The following NKD2 variants were observed in gnomAD, a reference collection of about 807,000 sequenced individuals.
The protein encoded by NKD2 is NKD inhibitor of Wnt signaling pathway 2, also known as protein naked cuticle homolog 2.
NKD2 carries 43 observed loss-of-function variants against 34.8 expected under a neutral mutation model. That is an observed-to-expected ratio of 1.24 (90% confidence interval 0.97 to 1.60). The LOEUF (loss-of-function observed/expected upper bound fraction) is 1.60. NKD2 is among the 40% of genes most tolerant of loss of function. The pLI, the probability that NKD2 is intolerant of heterozygous loss-of-function variation, is 0.00. For missense variants in NKD2, 675 were observed against 627.1 expected (o/e 1.08, Z -0.82); for synonymous variants, 278 against 265.1 (o/e 1.05, Z -0.47).
chr5:1,012,180 G>A (rs1004097358), intron 3 of NKD2, among the ~76,000 whole-genome samples: 3 of 152,254 alleles, frequency 2.0e-5, no homozygotes, highest in Admixed American at 6.5e-5. Flanking sequence ...TGAGGCTGGC[G>A]GAAAATGGTT....
chr5:1,018,139 C>T (rs973052716), intron 3 of NKD2, among the ~76,000 whole-genome samples: 3 of 152,134 alleles, frequency 2.0e-5, no homozygotes, highest in Non-Finnish European at 2.9e-5. Context: ...AGAAGAATGG[C>T]GGCCCCCACC....
In NKD2 at chr5:1,037,888, A is replaced by G. The variant is rs1734074574; in HGVS notation, c.871A>G (p.Thr291Ala). The change falls in exon 10 of 10, where the codon ACA becomes GCA. Residue 291 changes from threonine (T) to alanine (A), a missense_variant. Physicochemically the swap from Thr to Ala is moderately conservative, Grantham distance 58. Coordinates refer to ENST00000296849, the MANE Select transcript of NKD2 (RefSeq NM_033120.4). ...CCGGTCCCGCTCCCAGGAGCCAGATACACATGCCGTACACCACCGCAGGTC... is the reference window on the plus strand; with the variant it reads ...CCGGTCCCGCTCCCAGGAGCCAGATGCACATGCCGTACACCACCGCAGGTC... ...QARSRSQEPD[T>A]HAVHHRRSQV... 1 of 1,605,644 alleles carries G rather than the reference A, an allele frequency of 6.2e-7. No homozygotes were observed. Among genetic ancestry groups the G allele is most frequent in the Admixed American group, 1.7e-5 (1 of 59,894 alleles).
chr5:1,013,165 TC>T (rs1180003018), intron 3 of NKD2, among the ~76,000 whole-genome samples: 1 of 152,156 alleles, frequency 6.6e-6, no homozygotes, highest in Non-Finnish European at 1.5e-5. Flanking sequence ...AATGGCAGCT[TC>T]CAAAGGGAGC....
chr5:1,035,224 G>A (rs933671342), intron 7 of NKD2, among the ~76,000 whole-genome samples, 165 bp from the exon 8 acceptor site: 5 of 151,398 alleles, frequency 3.3e-5, no homozygotes, highest in East Asian at 1.9e-4. Flanking sequence ...ATGAGTGAAC[G>A]AGTGAGTTAA....
intron 3 of NKD2, among the ~76,000 whole-genome samples, chr5:1,014,790 C>G (rs1755882561): frequency 6.6e-6 from 1 of 152,250 alleles, no homozygotes; most frequent in Non-Finnish European, 1.5e-5. Context: ...CCCACTTGGT[C>G]AGCCCCGACA....
chr5:1,038,269 C>A lies in NKD2; in HGVS notation c.1252C>A (p.Pro418Thr). ...HEVVRDLPPT[P>T]AGEGYAVPVI... ...GGTGGTGCGGGACCTGCCGCCCACG[C>A]CAGCAGGAGAGGGCTACGCGGTGCC... Residue 418 changes from proline to threonine, a missense_variant, in exon 10 of 10, where the codon CCA (proline) becomes ACA (threonine). By Grantham distance (38) the Pro-to-Thr change is conservative. Coordinates refer to ENST00000296849, the MANE Select transcript of NKD2 (RefSeq NM_033120.4). This position sits in a 1 kb window ranked among gnomAD's most constrained non-coding sequence, Gnocchi z 4.5. The A allele has an allele frequency of 6.3e-7, 1 of 1,575,598 alleles. No homozygotes were observed.
At chr5:1,032,089 T>TGCCCATCTCCCCC in intron 3 of NKD2, 63 bp from the exon 4 acceptor site, 2 of 1,344,750 alleles carry the variant, frequency 1.5e-6, no homozygotes, top group South Asian at 2.3e-5. Context: ...CCAGAGCTCC[T>TGCCCATCTCCCCC]GCCCATCTCC....
intron 3 of NKD2, among the ~76,000 whole-genome samples, chr5:1,013,378 G>A (rs1187574528): frequency 6.6e-6 from 1 of 152,196 alleles, no homozygotes; most frequent in Non-Finnish European, 1.5e-5. Flanking sequence ...TTGGATACAG[G>A]CAGCCGTGTT....
chr5:1,021,901 C>T (rs562988651), intron 3 of NKD2, among the ~76,000 whole-genome samples: 155 of 152,272 alleles, frequency 1.0e-3, no homozygotes, highest in Non-Finnish European at 1.8e-3. Flanking sequence ...CACTGCTCCC[C>T]ACCAGGCCCC....
intron 3 of NKD2, among the ~76,000 whole-genome samples, chr5:1,013,036 A>G (rs1040541278): frequency 1.3e-5 from 2 of 152,214 alleles, no homozygotes; most frequent in Non-Finnish European, 2.9e-5. Context: ...GAGACAAGGC[A>G]GTGTGGACCA....
At chr5:1,037,657 G>T (rs551885657) in intron 9 of NKD2, 148 bp from the exon 10 acceptor site, 2 of 1,536,090 alleles carry the variant, frequency 1.3e-6, no homozygotes, top group Non-Finnish European at 1.7e-6. Flanking sequence ...TTCAGGGCTG[G>T]TGGCCGTCTG....
rs1184381745 is a variant in NKD2 at position 1,035,947 on chromosome 5, G to A, written c.660-310G>A. The A allele has an allele frequency of 2.0e-5, 8 of 408,006 alleles. 1 individual carries two copies. The highest frequency in any genetic ancestry group is 1.3e-4 in the East Asian group (3 of 22,714). The allele number at this position is 408,006 out of a possible 1,614,324, so 25.3% of individuals were successfully genotyped here. On this transcript the variant is annotated intron_variant, in intron 8 of 9. Coordinates refer to ENST00000296849, the MANE Select transcript of NKD2 (RefSeq NM_033120.4). ...TGGCTGGGTGGCTGGGGTGTGGCTG[G>A]CGCAGTGGCTACAGTGGTCCCAGAG... is the stretch of plus-strand genomic sequence containing the variant.
At chr5:1,011,694 C>G (rs1755756842) in intron 3 of NKD2, among the ~76,000 whole-genome samples, 1 of 152,234 alleles carries the variant, frequency 6.6e-6, no homozygotes, top group Admixed American at 6.5e-5. Flanking sequence ...CCGACCTACC[C>G]TCTCTCCCCA....
intron 9 of NKD2, chr5:1,037,390 A>G: frequency 2.4e-6 from 2 of 829,948 alleles, no homozygotes; most frequent in Non-Finnish European, 3.8e-6. Context: ...CAGGGCTCGC[A>G]CTGCACGTTG....
Position 1,008,891 on chromosome 5 carries a change from G to GCCCCCTGGCT in NKD2, c.-161_-152dup, listed in dbSNP as rs1755630499. ...CCTCCGCCCCGCGGCCGTACCTGGC[G>GCCCCCTGGCT]CCCCCTGGCTCCCCCGGCCCCCGCG... On this transcript the variant is annotated 5_prime_UTR_variant, in exon 1 of 10. Coordinates refer to ENST00000296849, the MANE Select transcript of NKD2 (RefSeq NM_033120.4). 2.7e-6 allele frequency: 1 copy of GCCCCCTGGCT among 371,490 alleles called. No homozygotes were observed. Among genetic ancestry groups the GCCCCCTGGCT allele is most frequent in the Non-Finnish European group, 4.8e-6 (1 of 209,272 alleles). 23.0% of individuals were successfully genotyped at this position (371,490 alleles called of 1,614,324 possible).
Position 1,037,527 on chromosome 5 carries a change from G to A in NKD2, c.788-278G>A, listed in dbSNP as rs759885926. The A allele has an allele frequency of 1.1e-5, 17 of 1,535,706 alleles. No homozygotes were observed. In the South Asian group the frequency reaches 2.0e-4, roughly 18 times the overall value. On this transcript the variant is annotated intron_variant, in intron 9 of 9. Coordinates refer to ENST00000296849, the MANE Select transcript of NKD2 (RefSeq NM_033120.4). ...CCACGGCGCCCCAAGCAGGGTCTCA[G>A]CTGTGCGAGAAGAGAAGCTCCGCTC...
intron 4 of NKD2, among the ~76,000 whole-genome samples, chr5:1,032,845 A>G (rs907916559): frequency 1.3e-5 from 2 of 152,196 alleles, no homozygotes; most frequent in African/African-American, 4.8e-5. Flanking sequence ...TATCCTGGGG[A>G]CGCAGCTTGC....
chr5:1,017,249 A>AC (rs1218356821), intron 3 of NKD2, among the ~76,000 whole-genome samples: 1 of 151,558 alleles, frequency 6.6e-6, no homozygotes, highest in Non-Finnish European at 1.5e-5. Flanking sequence ...CCTCAGAGGG[A>AC]CCCCATGTCC....
chr5:1,026,736 A>G (rs1022352208), intron 3 of NKD2, among the ~76,000 whole-genome samples: 9 of 152,194 alleles, frequency 5.9e-5, no homozygotes, highest in African/African-American at 1.9e-4. Flanking sequence ...CCAGGCACTC[A>G]CTTCATTCTA....
Sources: allele counts gnomAD v4.1 joint callset (sites outside exome capture counted in the v4.1 genomes callset), GRCh38; gene constraint gnomAD v4.1.1; non-coding constraint Gnocchi (gnomAD v3.1); transcripts MANE v1.5; gene names NCBI Gene and HGNC (gene_info 2026-07-23, HGNC 2026-07-21).